The following SEMA3A variants were observed in gnomAD, a reference collection of about 807,000 sequenced individuals.
SEMA3A encodes the protein semaphorin 3A.
A neutral mutation model predicts 97.9 loss-of-function variants in SEMA3A; 29 were observed. That is an observed-to-expected ratio of 0.30 (90% CI 0.22 to 0.40). SEMA3A has a LOEUF of 0.40. Among genes scored for constraint, SEMA3A ranks in the 10% least tolerant of loss-of-function variants. SEMA3A has a pLI of 1.00. For synonymous variants in SEMA3A, 321 were observed against 323.7 expected, an observed-to-expected ratio of 0.99 and a Z score of 0.09; for missense variants, 763 against 951.3, an observed-to-expected ratio of 0.80 and a Z score of 2.60.
intron 4 of SEMA3A, among the ~76,000 whole-genome samples, chr7:84,104,837 G>A (rs934208848): frequency 1.3e-5 from 2 of 152,150 alleles, no homozygotes; most frequent in East Asian, 3.9e-4. Flanking sequence ...ACAAAGAGCA[G>A]ATCATTTTAA....
intron 3 of SEMA3A, among the ~76,000 whole-genome samples, chr7:84,124,445 C>T (rs1795728350): frequency 6.6e-6 from 1 of 152,160 alleles, no homozygotes; most frequent in South Asian, 2.1e-4. Context: ...ATGGCTGCCA[C>T]AGCCACTCAC....
At chr7:84,232,793 A>G (rs1177799142) in intron 3 of SEMA3A, among the ~76,000 whole-genome samples, 2 of 151,892 alleles carry the variant, frequency 1.3e-5, no homozygotes, top group African/African-American at 4.8e-5. Context: ...TTACACAAAC[A>G]CAGATTGCTA....
intron 6 of SEMA3A, among the ~76,000 whole-genome samples, chr7:84,018,932 A>G (rs753069842): frequency 4.6e-4 from 70 of 152,278 alleles, no homozygotes; most frequent in Middle Eastern, 3.4e-3. Flanking sequence ...AAACAAAACA[A>G]AAAACAACAA....
chr7:84,152,229 A>G (rs1796694140), intron 1 of SEMA3A, among the ~76,000 whole-genome samples: 1 of 150,860 alleles, frequency 6.6e-6, no homozygotes, highest in African/African-American at 2.4e-5. Flanking sequence ...GCTGCTATAA[A>G]GACACATGCA....
chr7:84,427,649 CAAAAAAAA>C (rs55872394), intron 1 of SEMA3A, among the ~76,000 whole-genome samples: 1 of 73,002 alleles, frequency 1.4e-5, no homozygotes, highest in Non-Finnish European at 2.4e-5. Context: ...GATTCTGTCT[CAAAAAAAA>C]AAAAAAAAAA....
chr7:84,312,872 TTATATATATATATATATATATATA>T (rs377261705), intron 2 of SEMA3A, among the ~76,000 whole-genome samples: 15 of 48,846 alleles, frequency 3.1e-4, no homozygotes, highest in African/African-American at 7.1e-4. Context: ...TGGTGTTGTT[TTATATATATATATATATATATATA>T]TATATATATA....
At chr7:84,159,122 T>TA (rs1315258288) in intron 1 of SEMA3A, among the ~76,000 whole-genome samples, 1 of 151,968 alleles carries the variant, frequency 6.6e-6, no homozygotes, top group Admixed American at 6.5e-5. Context: ...CATTTTTTTT[T>TA]AAAGAAAGGG....
chr7:84,355,061 G>T (rs151297442), intron 2 of SEMA3A, among the ~76,000 whole-genome samples: 1 of 151,824 alleles, frequency 6.6e-6, no homozygotes, highest in Non-Finnish European at 1.5e-5. Flanking sequence ...GATTCTCTGG[G>T]AAATTAAGTA....
chr7:83,967,572 T>A lies in SEMA3A; in HGVS notation c.1718-4225A>T, dbSNP rs547822359. On this transcript the variant is annotated intron_variant, in intron 15 of 16. Transcript: ENST00000265362. ...GGGTTCAAGAACGGCCTGGCCAACA[T>A]GGTGAAACCCCATTTCTACAAAAAT... Among the ~76,000 whole-genome samples, 13 of 152,182 alleles carry A rather than the reference T, an allele frequency of 8.5e-5. No individual in the cohort carries two copies. In the East Asian group the frequency reaches 9.7e-4, roughly 11 times the overall value.
At chr7:84,195,922 G>A (rs1051519108), upstream of SEMA3A, among the ~76,000 whole-genome samples, 1 of 152,136 alleles carries the variant, frequency 6.6e-6, no homozygotes, top group Non-Finnish European at 1.5e-5. Context: ...ATGTATTCAG[G>A]CAGTCATATG....
chr7:84,289,493 AATT>A (rs764665841), intron 3 of SEMA3A, among the ~76,000 whole-genome samples: 8 of 152,258 alleles, frequency 5.3e-5, no homozygotes, highest in Non-Finnish European at 1.0e-4. Flanking sequence ...AAATATGTAC[AATT>A]ATTATCAATA....
rs1788455417 is a variant in SEMA3A, at chr7:83,961,186, A to G, written c.*185T>C. 2 of 599,090 alleles carry G rather than the reference A, an allele frequency of 3.3e-6. No homozygotes were observed. Among genetic ancestry groups the G allele is most frequent in the Non-Finnish European group, 5.9e-6 (2 of 337,944 alleles). 37.1% of individuals were successfully genotyped at this position (599,090 alleles called of 1,614,324 possible). ...TTCTCTGTTAGGTGGTGGTATTAGG[A>G]AAAAAAGCCTATTAGGAAAGTTACT... On this transcript the variant is annotated 3_prime_UTR_variant, in exon 17 of 17. Transcript: ENST00000265362.
At chr7:84,450,604 G>T (rs1012564749) in intron 1 of SEMA3A, among the ~76,000 whole-genome samples, 3 of 152,156 alleles carry the variant, frequency 2.0e-5, no homozygotes, top group African/African-American at 7.2e-5. Context: ...ATTGATTATA[G>T]AATTCATTTA....
At chr7:84,126,420 G>A (rs1428954644) in intron 3 of SEMA3A, among the ~76,000 whole-genome samples, 1 of 152,066 alleles carries the variant, frequency 6.6e-6, no homozygotes, top group Non-Finnish European at 1.5e-5. Flanking sequence ...TGGCCAGGCT[G>A]GCCTCGAACT....
intron 3 of SEMA3A, among the ~76,000 whole-genome samples, chr7:84,279,628 T>C (rs1030379062): frequency 1.3e-5 from 2 of 152,058 alleles, no homozygotes; most frequent in African/African-American, 2.4e-5. Context: ...TATGTGGGAG[T>C]TCGTTTTACT....
At chr7:84,460,524 A>G (rs1459467462) in intron 1 of SEMA3A, among the ~76,000 whole-genome samples, 1 of 152,164 alleles carries the variant, frequency 6.6e-6, no homozygotes, top group African/African-American at 2.4e-5. Context: ...AAAATAATAT[A>G]AACTTGTTTA....
chr7:84,280,716 G>T (rs1800420975), intron 3 of SEMA3A, among the ~76,000 whole-genome samples: 1 of 152,082 alleles, frequency 6.6e-6, no homozygotes, highest in Admixed American at 6.6e-5. Flanking sequence ...GGGAGGCGGA[G>T]GTTGTAGTGA....
intron 1 of SEMA3A, among the ~76,000 whole-genome samples, chr7:84,389,124 T>C (rs1803476868): frequency 6.6e-6 from 1 of 152,168 alleles, no homozygotes; most frequent in Non-Finnish European, 1.5e-5. Context: ...GAGAGTTCTT[T>C]GCAAGGAAAG....
At chr7:84,360,102 TTG>T (rs1802676504) in intron 2 of SEMA3A, among the ~76,000 whole-genome samples, 1 of 151,196 alleles carries the variant, frequency 6.6e-6, no homozygotes, top group African/African-American at 2.4e-5. Context: ...CCTGGTTTCA[TTG>T]ATTTTTTGAA....
Sources: gnomAD v4.1 joint callset for allele counts (sites outside exome capture counted in the v4.1 genomes callset) on GRCh38, gnomAD v4.1.1 for gene constraint, MANE v1.5 for transcripts, NCBI Gene and HGNC (gene_info 2026-07-23, HGNC 2026-07-21) for gene names.